DYRK3: variants seen among roughly 807,000 people sequenced by gnomAD.
DYRK3 encodes dual specificity tyrosine phosphorylation regulated kinase 3, also known as dual specificity tyrosine-phosphorylation-regulated kinase 3.
Under a neutral mutation model 40.8 loss-of-function variants are expected in DYRK3, and 30 were observed. The observed-to-expected ratio is 0.74, with a 90% CI of 0.55 to 1.00. The LOEUF is 1.00. DYRK3 is among the 50% of genes least tolerant of loss of function. The pLI, the probability that DYRK3 is intolerant of heterozygous loss-of-function variation, is 0.00. For missense variants in DYRK3, 699 were observed against 731.5 expected, an observed-to-expected ratio of 0.96 and a Z score of 0.51; for synonymous variants, 272 against 260.7, an observed-to-expected ratio of 1.04 and a Z score of -0.42.
rs1553421075 is a variant in DYRK3 at position 206,649,834 on chromosome 1, C to G, written c.*869C>G. On this transcript the variant is annotated 3_prime_UTR_variant, in exon 3 of 3. Coordinates refer to ENST00000367109, the MANE Select transcript of DYRK3 (RefSeq NM_003582.4). ...TCCTTGCTGCATTTTCATAGAATCTCTTCCTTATAAAAGTAATCACTCTCG... is the reference window on the plus strand; with the variant it reads ...TCCTTGCTGCATTTTCATAGAATCTGTTCCTTATAAAAGTAATCACTCTCG... Among the ~76,000 whole-genome samples, 2 of 152,072 alleles carry G rather than the reference C, an allele frequency of 1.3e-5. No homozygotes were observed. Among genetic ancestry groups the G allele is most frequent in the African/African-American group, 4.8e-5 (2 of 41,338 alleles).
intron 2 of DYRK3, among the ~76,000 whole-genome samples, chr1:206,642,414 C>A (rs1489316293): frequency 6.6e-6 from 1 of 152,104 alleles, no homozygotes; most frequent in African/African-American, 2.4e-5. Flanking sequence ...TTTGACCCAG[C>A]CATCCCATTA....
At position 206,650,863 on chromosome 1, in the gene DYRK3, C is replaced by T. The variant is rs1372241465; in HGVS notation, c.*1898C>T. 2.0e-5 allele frequency among the ~76,000 whole-genome samples: 3 copies of T among 152,182 alleles called. No homozygotes were observed. Reference sequence around the variant, plus strand: ...TCTCCCAAGTACAAGGGCCAGATGGCAGAGAACAGCTTAAACTGAGCCTTC... The same window carrying T: ...TCTCCCAAGTACAAGGGCCAGATGGTAGAGAACAGCTTAAACTGAGCCTTC... On this transcript the variant is annotated 3_prime_UTR_variant, in exon 3 of 3. Transcript: ENST00000367109.
intron 1 of DYRK3, chr1:206,636,943 C>T (rs372819758): frequency 6.2e-7 from 1 of 1,612,802 alleles, no homozygotes; most frequent in Non-Finnish European, 8.5e-7. Flanking sequence ...CTCCACCATC[C>T]ACCAGAAAAT....
intron 2 of DYRK3, among the ~76,000 whole-genome samples, chr1:206,640,331 C>T (rs1003842324): frequency 1.4e-4 from 21 of 152,132 alleles, no homozygotes; most frequent in Admixed American, 7.9e-4. Flanking sequence ...GACTCTATCC[C>T]GAGATCCTGT....
intron 2 of DYRK3, 135 bp downstream of exon 2, chr1:206,637,896 G>T: frequency 1.7e-6 from 1 of 589,552 alleles, no homozygotes; most frequent in Non-Finnish European, 2.9e-6. Flanking sequence ...TCTTGACTTT[G>T]GAATAACAAT....
At position 206,635,771 on chromosome 1, in the gene DYRK3, A is replaced by G. The variant is rs991808017; in HGVS notation, c.68A>G (p.Gln23Arg). 1.8e-5 allele frequency: 23 copies of G among 1,244,640 alleles called. No homozygotes were observed. Among genetic ancestry groups the G allele is most frequent in the Non-Finnish European group, 2.2e-5 (22 of 989,536 alleles). The allele number at this position is 1,244,640 out of a possible 1,614,324, so 77.1% of individuals were successfully genotyped here. ...AGPPGAGLPP[Q>R]QRRLGDGVYD... ...CCGCCTGGGGCCGGGCTCCCGCCCC[A>G]GCAGCGGAGGTAACGGCGCCACGGG... The change falls in exon 1 of 3, where the codon CAG becomes CGG. Residue 23 changes from glutamine to arginine, a missense_variant. By Grantham distance (43) the Gln-to-Arg change is conservative. Transcript: ENST00000367109.
chr1:206,647,653 A>G lies in DYRK3; in HGVS notation c.455A>G (p.His152Arg). 1 of 1,614,178 alleles carries G rather than the reference A, an allele frequency of 6.2e-7. No individual in the cohort carries two copies. The highest frequency in any genetic ancestry group is 1.3e-5 in the African/African-American group (1 of 75,028). ...TPEQALKQYK[H>R]HLTAYEKLEI... ...GAACAAGCCCTGAAGCAATATAAACACCACCTCACTGCCTATGAGAAACTG... is the reference window on the plus strand; with the variant it reads ...GAACAAGCCCTGAAGCAATATAAACGCCACCTCACTGCCTATGAGAAACTG... The change falls in exon 3 of 3, where the codon CAC (histidine) becomes CGC (arginine). Residue 152 changes from histidine (H) to arginine (R), a missense_variant. His to Arg is a conservative substitution (Grantham distance 29, BLOSUM62 0). Transcript: ENST00000367109.
In DYRK3 at chr1:206,649,727, A is replaced by G. The variant is rs1448669228; in HGVS notation, c.*762A>G. On this transcript the variant is annotated 3_prime_UTR_variant, in exon 3 of 3. Transcript: ENST00000367109. ...AGGAAGATAAAACAGCTTCTCTGCC[A>G]CAATTGACCCAGAGTGGTAAAGATA... is the stretch of plus-strand genomic sequence containing the variant. Among the ~76,000 whole-genome samples, 1 of 152,212 alleles carries G rather than the reference A, an allele frequency of 6.6e-6. No individual in the cohort carries two copies. Among genetic ancestry groups the G allele is most frequent in the Non-Finnish European group, 1.5e-5 (1 of 68,028 alleles).
intron 2 of DYRK3, among the ~76,000 whole-genome samples, chr1:206,644,344 G>T (rs1445281405): frequency 6.6e-6 from 1 of 151,844 alleles, no homozygotes; most frequent in Non-Finnish European, 1.5e-5. Context: ...TGGACCTACA[G>T]CTTTTAAGTA....
chr1:206,647,702 T>C lies in DYRK3; in HGVS notation c.504T>C (p.Ile168=). The change falls in exon 3 of 3, where the codon ATT becomes ATC. Residue 168 remains isoleucine (I), a synonymous_variant. Coordinates refer to ENST00000367109, the MANE Select transcript of DYRK3 (RefSeq NM_003582.4). Reference sequence around the variant, plus strand: ...TGGAAATAATTAATTATCCAGAAATTTACTTTGTAGGTCCAAATGCCAAGA... The same window carrying C: ...TGGAAATAATTAATTATCCAGAAATCTACTTTGTAGGTCCAAATGCCAAGA... ...EKLEIINYPE[I]YFVGPNAKKR... 6.2e-7 allele frequency: 1 copy of C among 1,614,144 alleles called. No homozygotes were observed. Among genetic ancestry groups the C allele is most frequent in the South Asian group, 1.1e-5 (1 of 91,076 alleles).
Position 206,649,551 on chromosome 1 carries a change from A to G in DYRK3, c.*586A>G, listed in dbSNP as rs891984602. On this transcript the variant is annotated 3_prime_UTR_variant, in exon 3 of 3. Coordinates refer to ENST00000367109, the MANE Select transcript of DYRK3 (RefSeq NM_003582.4). Reference sequence around the variant, plus strand: ...CTTCAGTTCTCTGATGTTTGGTGTTATTATTTTATGTTGTTATTTTGCCTC... The same window carrying G: ...CTTCAGTTCTCTGATGTTTGGTGTTGTTATTTTATGTTGTTATTTTGCCTC... Among the ~76,000 whole-genome samples the G allele has an allele frequency of 6.6e-6, 1 of 152,158 alleles. No homozygotes were observed. Among genetic ancestry groups the G allele is most frequent in the Non-Finnish European group, 1.5e-5 (1 of 68,018 alleles).
chr1:206,652,957 T>A lies in DYRK3; in HGVS notation c.*3992T>A, dbSNP rs944474564. ...AATTGACAAATTTTAATTTCCAAGTTGTTTCTGACACGGTGAGAGTTGGGT... is the reference window on the plus strand; with the variant it reads ...AATTGACAAATTTTAATTTCCAAGTAGTTTCTGACACGGTGAGAGTTGGGT... On this transcript the variant is annotated 3_prime_UTR_variant, in exon 3 of 3. Coordinates refer to ENST00000367109, the MANE Select transcript of DYRK3 (RefSeq NM_003582.4). 3.9e-5 allele frequency among the ~76,000 whole-genome samples: 6 copies of A among 152,228 alleles called. No homozygotes were observed. The highest frequency in any genetic ancestry group is 8.8e-5 in the Non-Finnish European group (6 of 68,040).
rs199654996 is a variant in DYRK3 at position 206,649,151 on chromosome 1, T to C, written c.*186T>C. On this transcript the variant is annotated 3_prime_UTR_variant, in exon 3 of 3. Coordinates refer to ENST00000367109, the MANE Select transcript of DYRK3 (RefSeq NM_003582.4). Reference sequence around the variant, plus strand: ...GGGCTAATTACCTAACCAGCTTGTATTGGCCATCTGGAATATGCATTAAAT... The same window carrying C: ...GGGCTAATTACCTAACCAGCTTGTACTGGCCATCTGGAATATGCATTAAAT... 18 of 596,430 alleles carry C rather than the reference T, an allele frequency of 3.0e-5. No homozygotes were observed. The highest frequency in any genetic ancestry group is 1.5e-4 in the South Asian group (6 of 38,926). 36.9% of individuals were successfully genotyped at this position (596,430 alleles called of 1,614,324 possible).
At position 206,639,086 on chromosome 1, in the gene DYRK3, A is replaced by G. The variant is rs139162198; in HGVS notation, c.189+1325A>G. ...AGTAGAGACAGGGTTTCACCATGTT[A>G]GTCAGGCTGGTCTAACTCCTGACCT... On this transcript the variant is annotated intron_variant, in intron 2 of 2. Transcript: ENST00000367109. 3.0e-3 allele frequency among the ~76,000 whole-genome samples: 459 copies of G among 151,996 alleles called. 3 individuals carry two copies. The highest frequency in any genetic ancestry group is 0.011 in the African/African-American group (436 of 41,478).
Position 206,648,700 on chromosome 1 carries a change from G to T in DYRK3, c.1502G>T (p.Arg501Met). 1 of 1,613,994 alleles carries T rather than the reference G, an allele frequency of 6.2e-7. No individual in the cohort carries two copies. The highest frequency in any genetic ancestry group is 8.5e-7 in the Non-Finnish European group (1 of 1,179,952). ...TACTTGTTTATAGAGTTCTTGAAAA[G>T]GTGTCTTCACTGGGACCCCTCTGCC... is the stretch of plus-strand genomic sequence containing the variant. ...DDYLFIEFLKRCLHWDPSARL... is the reference protein window; with the variant it reads ...DDYLFIEFLKMCLHWDPSARL... The change falls in exon 3 of 3, where the codon AGG becomes ATG. Residue 501 changes from arginine (R) to methionine (M), a missense_variant. Coordinates refer to ENST00000367109, the MANE Select transcript of DYRK3 (RefSeq NM_003582.4).
chr1:206,649,069 T>C lies in DYRK3; in HGVS notation c.*104T>C, dbSNP rs1334911015. The stretch of plus-strand genomic sequence containing the variant: ...CCATTGGTGGATGTTTTTGTTAGAG[T>C]AGACTTTTTTTAAACAAGACAAAAC... On this transcript the variant is annotated 3_prime_UTR_variant, in exon 3 of 3. Coordinates refer to ENST00000367109, the MANE Select transcript of DYRK3 (RefSeq NM_003582.4). 1.6e-6 allele frequency: 2 copies of C among 1,267,428 alleles called. No homozygotes were observed. Among genetic ancestry groups the C allele is most frequent in the African/African-American group, 3.0e-5 (2 of 66,762 alleles). The allele number at this position is 1,267,428 out of a possible 1,614,324, so 78.5% of individuals were successfully genotyped here.
Position 206,648,970 on chromosome 1 carries a change from CAG to C in DYRK3, c.*9_*10del, listed in dbSNP as rs782743990. ...TTGCCAAAACTGATTAGCTAGTGGA[CAG>C]AGATATGCCCAGAGATGCATATGTG... is the stretch of plus-strand genomic sequence containing the variant. On this transcript the variant is annotated 3_prime_UTR_variant, in exon 3 of 3. Transcript: ENST00000367109. The C allele has an allele frequency of 1.9e-6, 3 of 1,603,578 alleles. No homozygotes were observed. Among genetic ancestry groups the C allele is most frequent in the East Asian group, 4.5e-5 (2 of 44,720 alleles).
Position 206,650,022 on chromosome 1 carries a change from T to A in DYRK3, c.*1057T>A, listed in dbSNP as rs12080114. Among the ~76,000 whole-genome samples, 19,474 of 152,256 alleles carry A rather than the reference T, an allele frequency of 0.13. 1,389 individuals carry two copies. The highest frequency in any genetic ancestry group is 0.18 in the Middle Eastern group (52 of 294). On this transcript the variant is annotated 3_prime_UTR_variant, in exon 3 of 3. Transcript: ENST00000367109. ...AGAAGAAAACTAAAAATCCAGAAAC[T>A]GGTGATAATCAAGTTTTCCCTTTTT... is the stretch of plus-strand genomic sequence containing the variant.
chr1:206,643,611 A>G (rs1671349579), intron 2 of DYRK3, among the ~76,000 whole-genome samples: 1 of 152,200 alleles, frequency 6.6e-6, no homozygotes, highest in Non-Finnish European at 1.5e-5. Flanking sequence ...AAGTTCAAAT[A>G]TCCATGGAGA....
Sources: gnomAD v4.1 joint callset for allele counts (sites outside exome capture counted in the v4.1 genomes callset) on GRCh38, gnomAD v4.1.1 for gene constraint, MANE v1.5 for transcripts, NCBI Gene and HGNC (gene_info 2026-07-23, HGNC 2026-07-21) for gene names.